EFCAB11: variants seen among roughly 807,000 people sequenced by gnomAD.
EFCAB11 encodes EF-hand calcium binding domain 11, also known as EF-hand calcium-binding domain-containing protein 11.
Under a neutral mutation model 23.0 loss-of-function variants are expected in EFCAB11, and 14 were observed. The observed-to-expected ratio is 0.61, with a 90% CI of 0.40 to 0.95. EFCAB11 has a LOEUF of 0.95. Ranked by LOEUF, EFCAB11 falls within the 40% of genes least tolerant of loss-of-function variation. EFCAB11 has a pLI of 0.00. For missense variants in EFCAB11, 198 were observed against 195.8 expected, an observed-to-expected ratio of 1.01 and a Z score of -0.07; for synonymous variants, 65 against 66.6, an observed-to-expected ratio of 0.98 and a Z score of 0.11.
chr14:89,884,811 AATTAGGTC>A (rs1443885524), intron 5 of EFCAB11, among the ~76,000 whole-genome samples: 6 of 152,212 alleles, frequency 3.9e-5, no homozygotes, highest in Non-Finnish European at 7.3e-5. Flanking sequence ...TTTGGGAAGT[AATTAGGTC>A]ATGAGAGTGG....
At chr14:89,882,961 G>C (rs953382104) in intron 5 of EFCAB11, among the ~76,000 whole-genome samples, 1 of 152,028 alleles carries the variant, frequency 6.6e-6, no homozygotes. Flanking sequence ...GTTCCCACCA[G>C]AGCTGGTTGT....
In EFCAB11 at chr14:89,924,525, A is replaced by G. The variant is rs914656253; in HGVS notation, c.410+7016T>C. 1.8e-5 allele frequency: 26 copies of G among 1,468,686 alleles called. No individual in the cohort carries two copies. In the African/African-American group the frequency reaches 2.6e-4, roughly 14 times the overall value. 91.0% of individuals were successfully genotyped at this position (1,468,686 alleles called of 1,614,324 possible). ...TAGCAGTGCTTACAATGAGATGGAG[A>G]AGGTTCCTAGGCATGGAGAAGTAAA... On this transcript the variant is annotated intron_variant, in intron 5 of 5. Coordinates refer to ENST00000316738, the MANE Select transcript of EFCAB11 (RefSeq NM_145231.4).
At chr14:89,800,000 A>G (rs953416078) in intron 5 of EFCAB11, among the ~76,000 whole-genome samples, 2 of 152,230 alleles carry the variant, frequency 1.3e-5, no homozygotes, top group African/African-American at 4.8e-5. Context: ...AGCCTGGCCA[A>G]TGTGGTGAAA....
At chr14:89,834,123 G>A (rs1431812683) in intron 5 of EFCAB11, among the ~76,000 whole-genome samples, 1 of 152,052 alleles carries the variant, frequency 6.6e-6, no homozygotes, top group African/African-American at 2.4e-5. Context: ...GGGAGGCTGA[G>A]GCGGGCCTAT....
chr14:89,904,895 G>A (rs1012765295), intron 5 of EFCAB11, among the ~76,000 whole-genome samples: 2 of 152,166 alleles, frequency 1.3e-5, no homozygotes, highest in Non-Finnish European at 2.9e-5. Context: ...TGGGTAGATT[G>A]CAAAAATTTT....
intron 5 of EFCAB11, chr14:89,931,256 GAA>G (rs1890378785): frequency 2.9e-6 from 1 of 347,506 alleles, no homozygotes; most frequent in Non-Finnish European, 5.2e-6. Context: ...GTAAGTATCT[GAA>G]GAAGTTCTTT....
intron 5 of EFCAB11, among the ~76,000 whole-genome samples, chr14:89,857,389 A>T (rs1887785807): frequency 6.6e-6 from 1 of 152,248 alleles, no homozygotes; most frequent in Admixed American, 6.5e-5. Context: ...AAGAATTGAA[A>T]GAAAACTTAC....
At chr14:89,899,069 T>C (rs1203373916) in intron 5 of EFCAB11, among the ~76,000 whole-genome samples, 2 of 152,164 alleles carry the variant, frequency 1.3e-5, no homozygotes, top group Non-Finnish European at 2.9e-5. Context: ...GAGAATGAAA[T>C]ATTAATACAG....
At position 89,820,444 on chromosome 14, in the gene EFCAB11, G is replaced by A. The variant is rs190387961; in HGVS notation, c.411-23120C>T. Among the ~76,000 whole-genome samples, 274 of 151,566 alleles carry A rather than the reference G, an allele frequency of 1.8e-3. 6 individuals are homozygous for A. Among genetic ancestry groups the A allele is most frequent in the Non-Finnish European group, 4.0e-4 (27 of 67,898 alleles). On this transcript the variant is annotated intron_variant, in intron 5 of 5. Transcript: ENST00000316738. ...ACCGCCCCCACCACTCTCACCGTTG[G>A]CCTTTCCCTGGACACTGTCTCACTC...
Position 89,840,209 on chromosome 14 carries a change from T to C in EFCAB11, c.411-42885A>G, listed in dbSNP as rs143833458. Among the ~76,000 whole-genome samples the C allele has an allele frequency of 3.6e-3, 554 of 152,354 alleles. 7 individuals carry two copies. The highest frequency in any genetic ancestry group is 0.012 in the African/African-American group (514 of 41,586). On this transcript the variant is annotated intron_variant, in intron 5 of 5. Transcript: ENST00000316738. Reference sequence around the variant, plus strand: ...GCAATATGACATTAAAGCATGTTTCTAGAACAAACACCCATGTCTTAAATA... The same window carrying C: ...GCAATATGACATTAAAGCATGTTTCCAGAACAAACACCCATGTCTTAAATA...
At chr14:89,930,363 C>G (rs563480975) in intron 5 of EFCAB11, among the ~76,000 whole-genome samples, 24 of 152,182 alleles carry the variant, frequency 1.6e-4, no homozygotes, top group Non-Finnish European at 3.5e-4. Context: ...CAGATGTCCC[C>G]CAATATCCAT....
At chr14:89,940,193 G>A (rs1890742334) in intron 3 of EFCAB11, among the ~76,000 whole-genome samples, 2 of 152,210 alleles carry the variant, frequency 1.3e-5, no homozygotes, top group South Asian at 2.1e-4. Context: ...AAAATGCTAC[G>A]ATTATAATTT....
intron 5 of EFCAB11, among the ~76,000 whole-genome samples, chr14:89,808,636 C>G (rs895889905): frequency 4.6e-5 from 7 of 152,052 alleles, no homozygotes; most frequent in African/African-American, 1.7e-4. Flanking sequence ...ACAACATGCT[C>G]CTAGCATTTA....
intron 5 of EFCAB11, among the ~76,000 whole-genome samples, chr14:89,822,931 G>A (rs139907649): frequency 0.015 from 2,279 of 152,134 alleles, 21 homozygotes; most frequent in South Asian, 0.03. Context: ...AGAATACATC[G>A]CAATACTCTT....
chr14:89,932,754 A>G, intron 3 of EFCAB11, 127 bp from the exon 4 acceptor site: 1 of 771,196 alleles, frequency 1.3e-6, no homozygotes, highest in Non-Finnish European at 2.1e-6. Flanking sequence ...GGTGAACAGT[A>G]TTTACTCAAG....
At chr14:89,924,705 G>A in intron 5 of EFCAB11, 1 of 1,535,276 alleles carries the variant, frequency 6.5e-7, no homozygotes, top group Non-Finnish European at 8.7e-7. Context: ...GAGACCACCA[G>A]AGATTAATTC....
chr14:89,868,507 G>A lies in EFCAB11; in HGVS notation c.410+63034C>T, dbSNP rs577115038. ...AAGATAAAATACTCCGTAGAATTAA[G>A]CAGAAAAACTATAAAAAGCTCTCCT... On this transcript the variant is annotated intron_variant, in intron 5 of 5. Coordinates refer to ENST00000316738, the MANE Select transcript of EFCAB11 (RefSeq NM_145231.4). Among the ~76,000 whole-genome samples, 3 of 152,244 alleles carry A rather than the reference G, an allele frequency of 2.0e-5. No individual in the cohort carries two copies. In the East Asian group the frequency reaches 5.8e-4, roughly 29 times the overall value.
At chr14:89,871,457 G>T (rs935840602) in intron 5 of EFCAB11, among the ~76,000 whole-genome samples, 1 of 152,178 alleles carries the variant, frequency 6.6e-6, no homozygotes, top group African/African-American at 2.4e-5. Flanking sequence ...TGGTGAGGAA[G>T]TCTTCCTGCC....
chr14:89,898,059 G>A (rs2140198513), intron 5 of EFCAB11, among the ~76,000 whole-genome samples: 1 of 152,186 alleles, frequency 6.6e-6, no homozygotes, highest in South Asian at 2.1e-4. Context: ...ATCTAGAAAT[G>A]CACACCAACT....
Sources: allele counts gnomAD v4.1 joint callset (sites outside exome capture counted in the v4.1 genomes callset), GRCh38; gene constraint gnomAD v4.1.1; transcripts MANE v1.5; gene names NCBI Gene and HGNC (gene_info 2026-07-23, HGNC 2026-07-21).